The following ITPRID1 variants were observed in gnomAD, a reference collection of about 807,000 sequenced individuals.
ITPRID1 encodes the protein ITPR interacting domain containing 1.
Under a neutral mutation model 95.4 loss-of-function variants are expected in ITPRID1, and 96 were observed. The ratio of observed to expected loss-of-function variants is 1.01; its 90% confidence interval spans 0.85 to 1.19. The LOEUF is 1.19. ITPRID1 is among the 50% of genes most tolerant of loss of function. The pLI, the probability that ITPRID1 is intolerant of heterozygous loss-of-function variation, is 0.00. For synonymous variants in ITPRID1, 510 were observed against 453.6 expected (o/e 1.12, Z -1.58); for missense variants, 1,339 against 1,252.9 (o/e 1.07, Z -1.04).
intron 1 of ITPRID1, among the ~76,000 whole-genome samples, chr7:31,536,256 T>C (rs1783754875): frequency 6.6e-6 from 1 of 152,196 alleles, no homozygotes; most frequent in African/African-American, 2.4e-5. Context: ...TCTGCTGCTA[T>C]ACTCATCACA....
intron 12 of ITPRID1, among the ~76,000 whole-genome samples, chr7:31,648,258 A>G (rs1277427176): frequency 6.6e-6 from 1 of 152,162 alleles, no homozygotes; most frequent in African/African-American, 2.4e-5. Context: ...AGTTTGTTTC[A>G]ATGGGTTTGG....
chr7:31,614,855 T>G (rs1434553430), intron 10 of ITPRID1, among the ~76,000 whole-genome samples: 1 of 152,086 alleles, frequency 6.6e-6, no homozygotes, highest in Non-Finnish European at 1.5e-5. Flanking sequence ...AAACTCCTGA[T>G]TCGGGGGCCC....
At chr7:31,577,778 A>G in intron 8 of ITPRID1, 85 bp from the exon 9 acceptor site, 1 of 1,159,432 alleles carries the variant, frequency 8.6e-7, no homozygotes, top group Non-Finnish European at 1.2e-6. Context: ...TTTCATGTTA[A>G]CGGACCCTTC....
intron 1 of ITPRID1, among the ~76,000 whole-genome samples, chr7:31,515,885 ATGT>A (rs1657970962): frequency 6.6e-6 from 1 of 152,210 alleles, no homozygotes; most frequent in Non-Finnish European, 1.5e-5. Context: ...GCTCTCCAAA[ATGT>A]TGTGAAGTTT....
chr7:31,626,432 T>C (rs1788474568), intron 10 of ITPRID1, among the ~76,000 whole-genome samples: 1 of 152,228 alleles, frequency 6.6e-6, no homozygotes, highest in Non-Finnish European at 1.5e-5. Flanking sequence ...ATTAATCTGG[T>C]ACTATTTAGA....
intron 1 of ITPRID1, among the ~76,000 whole-genome samples, chr7:31,544,296 G>A (rs1333308054): frequency 1.3e-5 from 2 of 152,092 alleles, no homozygotes; most frequent in Admixed American, 1.3e-4. Context: ...GTACATGGAA[G>A]GCAGGTGTGA....
At chr7:31,652,283 C>T (rs1791032014) in intron 14 of ITPRID1, among the ~76,000 whole-genome samples, 2 of 152,156 alleles carry the variant, frequency 1.3e-5, no homozygotes, top group Admixed American at 6.5e-5. Flanking sequence ...TTGCCCTGTA[C>T]ATCATAGAGA....
At chr7:31,605,565 G>A (rs1786586442) in intron 10 of ITPRID1, among the ~76,000 whole-genome samples, 1 of 152,170 alleles carries the variant, frequency 6.6e-6, no homozygotes, top group Non-Finnish European at 1.5e-5. Context: ...CCTAGTTCTT[G>A]TCTCCTGTAG....
At chr7:31,534,633 C>T (rs1407588700) in intron 1 of ITPRID1, among the ~76,000 whole-genome samples, 2 of 152,194 alleles carry the variant, frequency 1.3e-5, no homozygotes, top group South Asian at 2.1e-4. Flanking sequence ...TTACTTTCAA[C>T]GTCTCTCTGT....
intron 10 of ITPRID1, among the ~76,000 whole-genome samples, chr7:31,633,694 C>CTT (rs987975714): frequency 7.9e-5 from 12 of 152,188 alleles, no homozygotes; most frequent in African/African-American, 2.2e-4. Context: ...GGCTAACTTG[C>CTT]TTGGTGACTC....
intron 10 of ITPRID1, among the ~76,000 whole-genome samples, chr7:31,638,717 G>A (rs11773887): frequency 0.014 from 2,127 of 152,102 alleles, 20 homozygotes; most frequent in Non-Finnish European, 0.019. Context: ...TTCTCTGGTT[G>A]ATTTTAAGGG....
chr7:31,515,406 T>G (rs1783013369), intron 1 of ITPRID1, among the ~76,000 whole-genome samples: 1 of 151,950 alleles, frequency 6.6e-6, no homozygotes, highest in Non-Finnish European at 1.5e-5. Context: ...AGAAACCCCA[T>G]CTCTACTAAA....
intron 1 of ITPRID1, among the ~76,000 whole-genome samples, chr7:31,519,634 ATATATATATAT>A (rs1783175586): frequency 8.1e-6 from 1 of 123,846 alleles, no homozygotes; most frequent in African/African-American, 2.9e-5. Flanking sequence ...ATATATATAT[ATATATATATAT>A]AAATCTTATG....
intron 12 of ITPRID1, among the ~76,000 whole-genome samples, 180 bp from the exon 13 acceptor site, chr7:31,650,962 T>C (rs1251827884): frequency 3.9e-5 from 6 of 152,156 alleles, no homozygotes; most frequent in Non-Finnish European, 7.3e-5. Context: ...AGATGAGCAC[T>C]GTCACTAGTT....
chr7:31,580,571 T>C (rs1333813136), intron 9 of ITPRID1, among the ~76,000 whole-genome samples: 1 of 152,218 alleles, frequency 6.6e-6, no homozygotes, highest in Non-Finnish European at 1.5e-5. Flanking sequence ...TTGATTGGTA[T>C]ACTTTCAAGA....
chr7:31,621,882 T>C (rs1160826403), intron 10 of ITPRID1, among the ~76,000 whole-genome samples: 2 of 151,774 alleles, frequency 1.3e-5, no homozygotes, highest in East Asian at 3.9e-4. Flanking sequence ...CAGAGACACA[T>C]AGGCTCAAAA....
intron 9 of ITPRID1, among the ~76,000 whole-genome samples, chr7:31,580,353 C>T (rs1360799078): frequency 1.4e-5 from 2 of 147,792 alleles, no homozygotes; most frequent in African/African-American, 2.5e-5. Context: ...AGGATCCGAA[C>T]AAAAAGTTTC....
chr7:31,639,928 T>C (rs1182707867), intron 10 of ITPRID1, among the ~76,000 whole-genome samples: 1 of 152,226 alleles, frequency 6.6e-6, no homozygotes, highest in Non-Finnish European at 1.5e-5. Flanking sequence ...TTGATTTTTC[T>C]CCTCATAATG....
intron 1 of ITPRID1, among the ~76,000 whole-genome samples, chr7:31,546,597 A>G (rs1196873719): frequency 1.3e-5 from 2 of 152,126 alleles, no homozygotes. Context: ...GTCCTTAACT[A>G]TTTCATAACC....
Sources: gnomAD v4.1 joint callset for allele counts (sites outside exome capture counted in the v4.1 genomes callset) on GRCh38, gnomAD v4.1.1 for gene constraint, MANE v1.5 for transcripts, NCBI Gene and HGNC (gene_info 2026-07-23, HGNC 2026-07-21) for gene names.